FBXO42: variants seen among roughly 807,000 people sequenced by gnomAD.
FBXO42 encodes the protein F-box protein 42, also known as F-box only protein 42.
In FBXO42, 12 loss-of-function variants were observed where a neutral mutation model predicts 71.7. The observed-to-expected ratio is 0.17, with a 90% CI of 0.11 to 0.27. The LOEUF (loss-of-function observed/expected upper bound fraction) is 0.27, where lower values mean the gene tolerates loss of function less well. Ranked by LOEUF, FBXO42 falls within the 10% of genes least tolerant of loss-of-function variation. The pLI is 1.00. For missense variants in FBXO42, 707 were observed against 911.9 expected (o/e 0.78, Z 2.89); for synonymous variants, 325 against 327.5 (o/e 0.99, Z 0.08).
intron 1 of FBXO42, among the ~76,000 whole-genome samples, chr1:16,351,228 T>G (rs2082699998): frequency 6.6e-6 from 1 of 152,118 alleles, no homozygotes; most frequent in African/African-American, 2.4e-5. Context: ...AAGCCATCAT[T>G]CCTCAAGAAA....
At chr1:16,333,548 C>G (rs1251454410) in intron 1 of FBXO42, among the ~76,000 whole-genome samples, 1 of 151,720 alleles carries the variant, frequency 6.6e-6, no homozygotes, top group Non-Finnish European at 1.5e-5. Context: ...ATGATTGCAC[C>G]ACTGCACTCC....
chr1:16,275,119 T>C (rs1427605372), intron 4 of FBXO42, among the ~76,000 whole-genome samples: 2 of 152,100 alleles, frequency 1.3e-5, no homozygotes, highest in Non-Finnish European at 2.9e-5. Context: ...AACTCACATA[T>C]GTAAATTCAA....
intron 2 of FBXO42, among the ~76,000 whole-genome samples, chr1:16,313,292 A>G (rs2082331670): frequency 6.9e-6 from 1 of 144,386 alleles, no homozygotes; most frequent in African/African-American, 2.9e-5. Context: ...GAAAAGAAGA[A>G]AGAGAGAGAA....
At chr1:16,322,840 A>G (rs890737291) in intron 1 of FBXO42, among the ~76,000 whole-genome samples, 2 of 152,236 alleles carry the variant, frequency 1.3e-5, no homozygotes, top group Admixed American at 6.5e-5. Context: ...AGTAGATATC[A>G]AGAAACTACT....
At chr1:16,327,117 T>C (rs2082458733) in intron 1 of FBXO42, among the ~76,000 whole-genome samples, 1 of 152,196 alleles carries the variant, frequency 6.6e-6, no homozygotes, top group African/African-American at 2.4e-5. Flanking sequence ...TCTGGCACAT[T>C]AGTAGACACC....
At chr1:16,331,864 A>G (rs539451187) in intron 1 of FBXO42, among the ~76,000 whole-genome samples, 348 of 152,170 alleles carry the variant, frequency 2.3e-3, no homozygotes, top group African/African-American at 8.0e-3. Context: ...CAGCCTGACC[A>G]ACATGGAGAA....
intron 1 of FBXO42, among the ~76,000 whole-genome samples, chr1:16,333,052 C>A (rs1487862475): frequency 3.9e-5 from 6 of 152,250 alleles, no homozygotes; most frequent in Admixed American, 1.3e-4. Flanking sequence ...AAATACCGTA[C>A]TCCTACTTGC....
intron 4 of FBXO42, among the ~76,000 whole-genome samples, chr1:16,271,121 C>T (rs1256535431): frequency 1.3e-5 from 2 of 151,884 alleles, no homozygotes; most frequent in African/African-American, 4.8e-5. Flanking sequence ...AGCAGAGGCC[C>T]AGGTGTGAGG....
chr1:16,323,053 C>T (rs2082420527), intron 1 of FBXO42, among the ~76,000 whole-genome samples: 1 of 152,228 alleles, frequency 6.6e-6, no homozygotes, highest in Non-Finnish European at 1.5e-5. Flanking sequence ...TTGGAATACA[C>T]TTCATTTACC....
intron 4 of FBXO42, among the ~76,000 whole-genome samples, chr1:16,271,250 TG>T (rs1314366305): frequency 2.2e-4 from 27 of 124,002 alleles, no homozygotes. Context: ...TGTGTGCGTG[TG>T]TGTGTTGGTG....
chr1:16,326,184 T>C (rs1251962247), intron 1 of FBXO42, among the ~76,000 whole-genome samples: 1 of 151,654 alleles, frequency 6.6e-6, no homozygotes, highest in African/African-American at 2.4e-5. Context: ...GCCTCCCAAG[T>C]AGCTGGGATT....
chr1:16,306,062 G>A (rs1027177936), intron 2 of FBXO42, 143 bp from the exon 3 acceptor site: 9 of 611,986 alleles, frequency 1.5e-5, no homozygotes, highest in Non-Finnish European at 2.0e-5. Flanking sequence ...TCACTCTGTC[G>A]CCCAGGTTGG....
Position 16,253,081 on chromosome 1 carries a change from A to G in FBXO42, c.921+15T>C. The G allele has an allele frequency of 6.2e-7, 1 of 1,612,150 alleles. No homozygotes were observed. On this transcript the variant is annotated intron_variant, in intron 8 of 9. Transcript: ENST00000375592. ...AGTAGCATGCACATGGGAATGCCACAGAAGCAATACTCACAGCATTGGGAC... is the reference window on the plus strand; with the variant it reads ...AGTAGCATGCACATGGGAATGCCACGGAAGCAATACTCACAGCATTGGGAC...
chr1:16,256,322 C>T (rs143024150), intron 5 of FBXO42, among the ~76,000 whole-genome samples: 23 of 152,276 alleles, frequency 1.5e-4, no homozygotes, highest in East Asian at 3.9e-4. Flanking sequence ...CTGAAGAGCT[C>T]GCTGTTCTTC....
At chr1:16,298,957 T>C (rs1364553979) in intron 3 of FBXO42, among the ~76,000 whole-genome samples, 3 of 152,194 alleles carry the variant, frequency 2.0e-5, no homozygotes, top group African/African-American at 7.2e-5. Flanking sequence ...GCTTCCTTAG[T>C]GTAGCAAAAG....
At chr1:16,335,061 T>TACAA (rs2082539295) in intron 1 of FBXO42, among the ~76,000 whole-genome samples, 1 of 6,012 alleles carries the variant, frequency 1.7e-4, no homozygotes, top group Non-Finnish European at 3.1e-4. Flanking sequence ...ACCTCGTCTG[T>TACAA]ACAAAAAAAA....
At position 16,255,496 on chromosome 1, in the gene FBXO42, G is replaced by A. The variant is rs141303731; in HGVS notation, c.767+215C>T. 8.3e-3 allele frequency among the ~76,000 whole-genome samples: 1,270 copies of A among 152,132 alleles called. 13 individuals carry two copies. Among genetic ancestry groups the A allele is most frequent in the Non-Finnish European group, 0.012 (829 of 67,990 alleles). ...ACTACAGGTGTGTGCCACCATGCCC[G>A]GCTAATTTTTGTATTTTTAGTAGAG... On this transcript the variant is annotated intron_variant, in intron 6 of 9. Transcript: ENST00000375592.
At chr1:16,335,795 A>G (rs2082546983) in intron 1 of FBXO42, among the ~76,000 whole-genome samples, 1 of 146,372 alleles carries the variant, frequency 6.8e-6, no homozygotes, top group Admixed American at 7.0e-5. Context: ...TGAACCTGAG[A>G]GGCAGAGGTT....
intron 1 of FBXO42, 27 bp downstream of exon 1, chr1:16,352,228 C>T (rs977428686): frequency 2.5e-6 from 1 of 393,778 alleles, no homozygotes; most frequent in Non-Finnish European, 4.5e-6. Flanking sequence ...CTCCCCTCTG[C>T]GGCCCGGGGA....
Sources: gnomAD v4.1 joint callset for allele counts (sites outside exome capture counted in the v4.1 genomes callset) on GRCh38, gnomAD v4.1.1 for gene constraint, MANE v1.5 for transcripts, NCBI Gene and HGNC (gene_info 2026-07-23, HGNC 2026-07-21) for gene names.